The following GRID1 variants were observed in gnomAD, a reference collection of about 807,000 sequenced individuals.
GRID1 encodes the protein glutamate receptor ionotropic, delta-1.
Under a neutral mutation model 98.0 loss-of-function variants are expected in GRID1, and 28 were observed. The ratio of observed to expected loss-of-function variants is 0.29; its 90% CI spans 0.21 to 0.39. GRID1 has a LOEUF of 0.39. Ranked by LOEUF, GRID1 falls within the 10% of genes least tolerant of loss-of-function variation. The pLI is 1.00. For synonymous variants in GRID1, 553 were observed against 538.5 expected (o/e 1.03, Z -0.37); for missense variants, 1,111 against 1,340.5 (o/e 0.83, Z 2.67).
In GRID1 at chr10:85,666,490, G is replaced by T. The variant is rs532123192; in HGVS notation, c.1998-19093C>A. Reference sequence around the variant, plus strand: ...TGGGACTTTGATGCCTCTCCCCAGCGGGGGCAGGTACCTGCAACCTTGGGT... The same window carrying T: ...TGGGACTTTGATGCCTCTCCCCAGCTGGGGCAGGTACCTGCAACCTTGGGT... On this transcript the variant is annotated intron_variant, in intron 12 of 15. Coordinates refer to ENST00000327946, the MANE Select transcript of GRID1 (RefSeq NM_017551.3). Among the ~76,000 whole-genome samples, 39 of 152,292 alleles carry T rather than the reference G, an allele frequency of 2.6e-4. 1 individual carries two copies. The highest frequency in any genetic ancestry group is 5.0e-4 in the Non-Finnish European group (34 of 68,024).
At chr10:85,667,921 G>C (rs1447995937) in intron 12 of GRID1, among the ~76,000 whole-genome samples, 15 of 152,192 alleles carry the variant, frequency 9.9e-5, no homozygotes. Context: ...CTGAGCCAGT[G>C]CTCTCCCTGG....
At chr10:85,997,525 CG>C (rs941660280) in intron 4 of GRID1, among the ~76,000 whole-genome samples, 30 of 151,924 alleles carry the variant, frequency 2.0e-4, no homozygotes, top group African/African-American at 7.0e-4. Context: ...ACTATAAAAA[CG>C]TAAGTATGCA....
chr10:85,679,182 C>T (rs999776033), intron 12 of GRID1, among the ~76,000 whole-genome samples: 1 of 152,188 alleles, frequency 6.6e-6, no homozygotes, highest in Non-Finnish European at 1.5e-5. Context: ...CAACCCCAGA[C>T]AGACACATCC....
intron 3 of GRID1, among the ~76,000 whole-genome samples, chr10:86,164,306 G>C (rs541275327): frequency 6.6e-6 from 1 of 152,170 alleles, no homozygotes; most frequent in African/African-American, 2.4e-5. Flanking sequence ...CCATGGAGGT[G>C]AGCAAGATTC....
chr10:86,032,360 C>A (rs548523049), intron 4 of GRID1, among the ~76,000 whole-genome samples: 1 of 151,940 alleles, frequency 6.6e-6, no homozygotes, highest in Non-Finnish European at 1.5e-5. Context: ...GCCATGATGA[C>A]GATGGCAGTT....
At chr10:85,883,077 T>A (rs1841058484) in intron 5 of GRID1, among the ~76,000 whole-genome samples, 1 of 152,170 alleles carries the variant, frequency 6.6e-6, no homozygotes, top group African/African-American at 2.4e-5. Context: ...TAGGACGTTT[T>A]CATTCTACCT....
At chr10:85,896,336 T>G (rs1273202239) in intron 5 of GRID1, among the ~76,000 whole-genome samples, 8 of 152,320 alleles carry the variant, frequency 5.3e-5, no homozygotes, top group Admixed American at 2.6e-4. Flanking sequence ...AAAATCAACA[T>G]GTATCTTCCA....
chr10:85,987,075 G>A (rs546643639), intron 4 of GRID1, among the ~76,000 whole-genome samples: 8 of 152,032 alleles, frequency 5.3e-5, no homozygotes, highest in Admixed American at 5.2e-4. Flanking sequence ...GGCTGAAGGG[G>A]ACACCACGGG....
At chr10:85,774,583 A>T (rs1425209604) in intron 8 of GRID1, among the ~76,000 whole-genome samples, 2 of 152,276 alleles carry the variant, frequency 1.3e-5, no homozygotes, top group East Asian at 3.9e-4. Context: ...TCATCTGACA[A>T]AGGGCTAATA....
In GRID1 at chr10:85,773,153, G is replaced by A. The variant is rs547562001; in HGVS notation, c.1234-43539C>T. On this transcript the variant is annotated intron_variant, in intron 8 of 15. Transcript: ENST00000327946. ...ATCAAGTGGGCTTCATCCCTGGGATGCCAGGCTGGTTCAATATACACAAAT... is the reference window on the plus strand; with the variant it reads ...ATCAAGTGGGCTTCATCCCTGGGATACCAGGCTGGTTCAATATACACAAAT... 7.0e-4 allele frequency among the ~76,000 whole-genome samples: 107 copies of A among 152,302 alleles called. 2 individuals are homozygous for A. The highest frequency in any genetic ancestry group is 2.4e-3 in the African/African-American group (99 of 41,572).
intron 4 of GRID1, among the ~76,000 whole-genome samples, chr10:85,971,523 A>G (rs1842408320): frequency 6.6e-6 from 1 of 152,160 alleles, no homozygotes; most frequent in Non-Finnish European, 1.5e-5. Flanking sequence ...TTGAAAAAGT[A>G]AAGTGGGAGA....
chr10:85,942,810 AAGAAG>A (rs1476651882), intron 4 of GRID1, among the ~76,000 whole-genome samples: 2 of 152,310 alleles, frequency 1.3e-5, no homozygotes, highest in Non-Finnish European at 2.9e-5. Flanking sequence ...GAGGCATAGA[AAGAAG>A]AGAAAAGAGC....
intron 5 of GRID1, among the ~76,000 whole-genome samples, chr10:85,874,919 G>A (rs1027128884): frequency 1.3e-5 from 2 of 152,148 alleles, no homozygotes; most frequent in Admixed American, 6.5e-5. Context: ...GGGCTGGAGT[G>A]CAGTGGCACA....
At chr10:86,003,777 C>G (rs1318574983) in intron 4 of GRID1, among the ~76,000 whole-genome samples, 1 of 152,220 alleles carries the variant, frequency 6.6e-6, no homozygotes, top group Non-Finnish European at 1.5e-5. Flanking sequence ...ACCCATCTTA[C>G]AGGCAGAGAT....
chr10:85,891,873 G>A (rs992989268), intron 5 of GRID1, among the ~76,000 whole-genome samples: 1 of 152,072 alleles, frequency 6.6e-6, no homozygotes, highest in Non-Finnish European at 1.5e-5. Context: ...AATCCATAAT[G>A]AGGATATGTC....
At chr10:86,101,864 G>A (rs1008963733) in intron 4 of GRID1, among the ~76,000 whole-genome samples, 2 of 152,022 alleles carry the variant, frequency 1.3e-5, no homozygotes, top group African/African-American at 4.8e-5. Context: ...ATGGGGCTCA[G>A]GCTGGTCTCA....
chr10:86,018,174 G>A (rs553147167), intron 4 of GRID1, among the ~76,000 whole-genome samples: 47 of 152,334 alleles, frequency 3.1e-4, no homozygotes, highest in African/African-American at 1.0e-3. Flanking sequence ...GGGGTGATCC[G>A]GCCCTGGGCC....
rs576774156 is a variant in GRID1, at chr10:85,601,962, TG to T, written c.*310del. 770 of 268,620 alleles carry T rather than the reference TG, an allele frequency of 2.9e-3. 10 individuals carry two copies. Among genetic ancestry groups the T allele is most frequent in the Admixed American group, 0.028 (572 of 20,684 alleles). The allele number at this position is 268,620 out of a possible 1,614,324, so 16.6% of individuals were successfully genotyped here. A position where few individuals can be genotyped will look rare whatever the true frequency, so the allele number is the denominator to read the frequency against. On this transcript the variant is annotated 3_prime_UTR_variant, in exon 16 of 16. Coordinates refer to ENST00000327946, the MANE Select transcript of GRID1 (RefSeq NM_017551.3). ...TCCTGCCCTCAGAAAGGCCCAGGAA[TG>T]GGGGGGCTCCTTTGGCACTTCAGAA... is the stretch of plus-strand genomic sequence containing the variant.
intron 13 of GRID1, among the ~76,000 whole-genome samples, chr10:85,621,176 A>C (rs778694823): frequency 6.6e-6 from 1 of 152,304 alleles, no homozygotes; most frequent in East Asian, 1.9e-4. Flanking sequence ...AATGCAGCAA[A>C]GTGCCTGCCT....
Sources: gnomAD v4.1 joint callset for allele counts (sites outside exome capture counted in the v4.1 genomes callset) on GRCh38, gnomAD v4.1.1 for gene constraint, MANE v1.5 for transcripts, NCBI Gene and HGNC (gene_info 2026-07-23, HGNC 2026-07-21) for gene names.